The following RFTN2 variants were observed in gnomAD, a reference collection of about 807,000 sequenced individuals.
RFTN2 encodes the protein raftlin family member 2, also known as raftlin-2.
Under a neutral mutation model 52.7 loss-of-function variants are expected in RFTN2, and 34 were observed. That is an observed-to-expected ratio of 0.64 (90% CI 0.49 to 0.86). The LOEUF is 0.86. Ranked by LOEUF, RFTN2 falls within the 40% of genes least tolerant of loss-of-function variation. The pLI, the probability that RFTN2 is intolerant of heterozygous loss-of-function variation, is 0.00. For missense variants in RFTN2, 536 were observed against 600.1 expected (o/e 0.89, Z 1.12); for synonymous variants, 203 against 217.7 (o/e 0.93, Z 0.59).
intron 7 of RFTN2, among the ~76,000 whole-genome samples, chr2:197,605,461 C>T (rs565868485): frequency 1.4e-4 from 22 of 152,102 alleles, no homozygotes; most frequent in Non-Finnish European, 3.1e-4. Context: ...ATGATCCGCC[C>T]GCCTTGGCCT....
intron 1 of RFTN2, among the ~76,000 whole-genome samples, chr2:197,655,507 A>G (rs1481862192): frequency 6.6e-6 from 1 of 152,204 alleles, no homozygotes; most frequent in Non-Finnish European, 1.5e-5. Flanking sequence ...CAGTGCTAAT[A>G]AACATATTTG....
At chr2:197,607,207 ATT>A (rs1257981259) in intron 7 of RFTN2, among the ~76,000 whole-genome samples, 2 of 152,206 alleles carry the variant, frequency 1.3e-5, no homozygotes, top group African/African-American at 4.8e-5. Context: ...GGAAATCATC[ATT>A]CTTAGCAAAC....
chr2:197,572,107 G>C lies in RFTN2; in HGVS notation c.1407C>G (p.Asn469Lys), dbSNP rs1309468241. The C allele has an allele frequency of 6.2e-7, 1 of 1,614,266 alleles. No homozygotes were observed. Among genetic ancestry groups the C allele is most frequent in the African/African-American group, 1.3e-5 (1 of 75,076 alleles). Residue 469 changes from asparagine (N) to lysine (K), a missense_variant, in exon 9 of 9, where the codon AAC becomes AAG. Transcript: ENST00000295049. Reference sequence around the variant, plus strand: ...CACTGCTGCTGAACCCAGAGAAGCTGTTGTGCTGTGCCAGCCTTCCCTCCT... The same window carrying C: ...CACTGCTGCTGAACCCAGAGAAGCTCTTGTGCTGTGCCAGCCTTCCCTCCT... ...WTKEGRLAQH[N>K]SFSGFSSSDN...
chr2:197,668,917 G>A (rs1288979974), intron 1 of RFTN2, among the ~76,000 whole-genome samples: 1 of 152,202 alleles, frequency 6.6e-6, no homozygotes, highest in Non-Finnish European at 1.5e-5. Context: ...GGAAGGTGAA[G>A]TACTGAGGGT....
chr2:197,604,568 G>T (rs1289876288), intron 7 of RFTN2, among the ~76,000 whole-genome samples: 10 of 152,118 alleles, frequency 6.6e-5, no homozygotes, highest in Admixed American at 4.6e-4. Flanking sequence ...GGCAAGCAAG[G>T]ATATGACTAT....
intron 1 of RFTN2, among the ~76,000 whole-genome samples, chr2:197,660,577 T>C (rs1335341466): frequency 6.6e-6 from 1 of 151,864 alleles, no homozygotes; most frequent in Admixed American, 6.6e-5. Flanking sequence ...ATCATTTCTT[T>C]TTTCTTTTTC....
intron 1 of RFTN2, 91 bp from the exon 2 acceptor site, chr2:197,646,757 GA>G: frequency 1.9e-6 from 2 of 1,052,958 alleles, no homozygotes; most frequent in Non-Finnish European, 1.4e-6. Flanking sequence ...TAATGAATAG[GA>G]AAAGATCTTG....
intron 1 of RFTN2, among the ~76,000 whole-genome samples, chr2:197,646,915 A>AAC (rs1553604409): frequency 6.6e-6 from 1 of 151,168 alleles, no homozygotes; most frequent in Non-Finnish European, 1.5e-5. Context: ...AAAAAAAAAA[A>AAC]AAAAACTCCA....
chr2:197,615,658 A>G (rs898719994), intron 7 of RFTN2, among the ~76,000 whole-genome samples: 1 of 152,184 alleles, frequency 6.6e-6, no homozygotes, highest in Non-Finnish European at 1.5e-5. Flanking sequence ...GGCTGGGGTG[A>G]GAACAGTTTT....
At chr2:197,616,970 C>T (rs2088155582) in intron 6 of RFTN2, among the ~76,000 whole-genome samples, 1 of 152,212 alleles carries the variant, frequency 6.6e-6, no homozygotes, top group Admixed American at 6.5e-5. Context: ...AGTGTGTACA[C>T]CTCAAAGACA....
intron 8 of RFTN2, among the ~76,000 whole-genome samples, chr2:197,588,986 G>A (rs1482307299): frequency 6.6e-6 from 1 of 151,988 alleles, no homozygotes; most frequent in Non-Finnish European, 1.5e-5. Context: ...CATTTTGGGA[G>A]GCCAAGGCAG....
intron 5 of RFTN2, among the ~76,000 whole-genome samples, chr2:197,629,396 G>A (rs1334230929): frequency 6.6e-6 from 1 of 152,078 alleles, no homozygotes; most frequent in Non-Finnish European, 1.5e-5. Context: ...ACTGAACAAT[G>A]AGAACACTTG....
intron 2 of RFTN2, among the ~76,000 whole-genome samples, chr2:197,644,912 A>G (rs1422047523): frequency 3.9e-5 from 6 of 152,224 alleles, no homozygotes; most frequent in African/African-American, 1.4e-4. Context: ...TCCATGGGAG[A>G]TAGTGTTTCT....
At chr2:197,583,040 G>T (rs545324695) in intron 8 of RFTN2, among the ~76,000 whole-genome samples, 2 of 152,042 alleles carry the variant, frequency 1.3e-5, no homozygotes, top group Non-Finnish European at 2.9e-5. Flanking sequence ...AGCCTCACAG[G>T]TCCATTCTAT....
At chr2:197,601,307 A>G (rs546273308) in intron 7 of RFTN2, among the ~76,000 whole-genome samples, 1 of 152,368 alleles carries the variant, frequency 6.6e-6, no homozygotes, top group African/African-American at 2.4e-5. Flanking sequence ...ATGACTATCA[A>G]GAAGATTGGG....
chr2:197,571,954 T>C lies in RFTN2; in HGVS notation c.*54A>G. The C allele has an allele frequency of 6.4e-7, 1 of 1,552,924 alleles. No individual in the cohort carries two copies. The highest frequency in any genetic ancestry group is 8.9e-7 in the Non-Finnish European group (1 of 1,128,088). The stretch of plus-strand genomic sequence containing the variant: ...GAGAAAGTAATACAATAAGGTCAGT[T>C]GGCAATGATTTTAACAATTATTTAC... On this transcript the variant is annotated 3_prime_UTR_variant, in exon 9 of 9. Coordinates refer to ENST00000295049, the MANE Select transcript of RFTN2 (RefSeq NM_144629.3).
chr2:197,613,381 G>C (rs1381608483), intron 7 of RFTN2, among the ~76,000 whole-genome samples: 1 of 152,112 alleles, frequency 6.6e-6, no homozygotes, highest in Non-Finnish European at 1.5e-5. Flanking sequence ...ATCTTAAAAA[G>C]GTTAGATGAC....
intron 5 of RFTN2, among the ~76,000 whole-genome samples, chr2:197,620,039 C>T (rs141800503): frequency 1.1e-3 from 169 of 151,676 alleles, no homozygotes; most frequent in African/African-American, 3.5e-3. Flanking sequence ...CGGATCTATA[C>T]GTTGTATGCA....
chr2:197,653,104 G>T (rs2088846228), intron 1 of RFTN2, among the ~76,000 whole-genome samples: 1 of 152,118 alleles, frequency 6.6e-6, no homozygotes. Flanking sequence ...ATTAATATCT[G>T]CCTCCCCCAC....
Sources: gnomAD v4.1 joint callset for allele counts (sites outside exome capture counted in the v4.1 genomes callset) on GRCh38, gnomAD v4.1.1 for gene constraint, MANE v1.5 for transcripts, NCBI Gene and HGNC (gene_info 2026-07-23, HGNC 2026-07-21) for gene names.